Variants in ZNF704 observed in about 807,000 individuals in gnomAD.
ZNF704 encodes zinc finger protein 704.
In ZNF704, 10 loss-of-function variants were observed where a neutral mutation model predicts 44.7. The ratio of observed to expected loss-of-function variants is 0.22; its 90% CI spans 0.14 to 0.38. The LOEUF (loss-of-function observed/expected upper bound fraction) is 0.38, where lower values mean the gene tolerates loss of function less well. Ranked by LOEUF, ZNF704 falls within the 10% of genes least tolerant of loss-of-function variation. ZNF704 has a pLI of 1.00. For synonymous variants in ZNF704, 211 were observed against 207.6 expected (o/e 1.02, Z -0.14); for missense variants, 390 against 545.5 (o/e 0.71, Z 2.84).
chr8:80,793,709 A>G (rs1239689242), intron 2 of ZNF704, among the ~76,000 whole-genome samples: 1 of 152,114 alleles, frequency 6.6e-6, no homozygotes, highest in African/African-American at 2.4e-5. Context: ...TCATTATAAT[A>G]AAAACAATTA....
chr8:80,700,918 C>T (rs1818799962), intron 2 of ZNF704, among the ~76,000 whole-genome samples: 1 of 152,158 alleles, frequency 6.6e-6, no homozygotes, highest in African/African-American at 2.4e-5. Flanking sequence ...GTCACTGCAT[C>T]TGCTCCTCCA....
At chr8:80,835,704 T>G (rs1306204887) in intron 1 of ZNF704, among the ~76,000 whole-genome samples, 1 of 152,210 alleles carries the variant, frequency 6.6e-6, no homozygotes, top group Admixed American at 6.5e-5. Flanking sequence ...ATTTTTTCCG[T>G]TTGGCATAGT....
chr8:80,652,357 C>CA (rs1186772060), intron 7 of ZNF704, among the ~76,000 whole-genome samples: 8 of 151,854 alleles, frequency 5.3e-5, no homozygotes, highest in East Asian at 1.9e-4. Context: ...AAAAACCCTT[C>CA]AAAAAATCAA....
intron 2 of ZNF704, among the ~76,000 whole-genome samples, chr8:80,753,522 T>C (rs1211632891): frequency 6.6e-6 from 1 of 151,750 alleles, no homozygotes; most frequent in Admixed American, 6.6e-5. Context: ...AAAAGTTAAA[T>C]GTGGCCTTCC....
chr8:80,788,391 C>G (rs1021609365), intron 2 of ZNF704, among the ~76,000 whole-genome samples: 12 of 152,166 alleles, frequency 7.9e-5, no homozygotes, highest in African/African-American at 1.2e-4. Context: ...GTCTCCCTTT[C>G]TTTCTAACAG....
intron 1 of ZNF704, among the ~76,000 whole-genome samples, chr8:80,836,025 C>T (rs2129944976): frequency 6.6e-6 from 1 of 152,274 alleles, no homozygotes; most frequent in Non-Finnish European, 1.5e-5. Context: ...TCCACTCCTG[C>T]ACCGCCTCCC....
chr8:80,783,636 A>G (rs1040400909), intron 2 of ZNF704, among the ~76,000 whole-genome samples: 3 of 152,144 alleles, frequency 2.0e-5, no homozygotes, highest in Non-Finnish European at 2.9e-5. Flanking sequence ...AATTGAGAGG[A>G]AAGTACAGAA....
At chr8:80,842,949 C>A (rs1438774856) in intron 1 of ZNF704, among the ~76,000 whole-genome samples, 2 of 152,226 alleles carry the variant, frequency 1.3e-5, no homozygotes, top group Non-Finnish European at 2.9e-5. Flanking sequence ...GACAAGCCTG[C>A]AAGCCAGATA....
chr8:80,878,249 AAAGAAAGGAAGGAAGG>A (rs1242979080), upstream of ZNF704, among the ~76,000 whole-genome samples: 26 of 137,198 alleles, frequency 1.9e-4, no homozygotes, highest in East Asian at 1.9e-3. Context: ...AAAGAAAGAG[AAAGAAAGGAAGGAAGG>A]AAGGAAGGAA....
At chr8:80,842,835 T>C (rs920284224) in intron 1 of ZNF704, among the ~76,000 whole-genome samples, 10 of 152,202 alleles carry the variant, frequency 6.6e-5, no homozygotes, top group African/African-American at 2.2e-4. Flanking sequence ...TGTTCAGCAA[T>C]GGCACACCAT....
chr8:80,866,533 G>C (rs1045650167), intron 1 of ZNF704, among the ~76,000 whole-genome samples: 1 of 152,168 alleles, frequency 6.6e-6, no homozygotes, highest in African/African-American at 2.4e-5. Context: ...AAGTCTAAGG[G>C]AAATCATGTA....
chr8:80,657,691 A>C (rs1487224742), intron 7 of ZNF704, among the ~76,000 whole-genome samples: 3 of 141,762 alleles, frequency 2.1e-5, no homozygotes, highest in Non-Finnish European at 4.5e-5. Context: ...ACCCTGTTTC[A>C]AGAAAAAAAA....
At chr8:80,783,788 G>A (rs964438427) in intron 2 of ZNF704, among the ~76,000 whole-genome samples, 1 of 152,072 alleles carries the variant, frequency 6.6e-6, no homozygotes, top group Non-Finnish European at 1.5e-5. Flanking sequence ...TCTTGGTATT[G>A]TGCCTTCTAA....
chr8:80,681,016 T>C (rs1563516770), intron 4 of ZNF704, among the ~76,000 whole-genome samples: 2 of 152,234 alleles, frequency 1.3e-5, no homozygotes, highest in Non-Finnish European at 2.9e-5. Context: ...ATAATGTTTT[T>C]TTTGATTCAC....
chr8:80,821,458 T>G lies in ZNF704; in HGVS notation c.137A>C (p.His46Pro). The change falls in exon 2 of 9, where the codon CAT (histidine) becomes CCT (proline). Residue 46 changes from histidine (H) to proline (P), a missense_variant. By Grantham distance (77) the His-to-Pro change is moderately conservative. Around this residue, in one of 3 missense-constraint regions of ZNF704, gnomAD observed 80 missense variants for 83.7 expected, o/e 0.96. Transcript: ENST00000327835. Reference sequence around the variant, plus strand: ...GATGGAGCGAGTGTTTTCTTTTTCATGGTCAAGGATCCGGCTGGCTTTTTT... The same window carrying G: ...GATGGAGCGAGTGTTTTCTTTTTCAGGGTCAAGGATCCGGCTGGCTTTTTT... The part of the protein sequence containing the change: ...DTKKASRILD[H>P]EKENTRSICL... 1 of 1,614,166 alleles carries G rather than the reference T, an allele frequency of 6.2e-7. No homozygotes were observed. The highest frequency in any genetic ancestry group is 8.5e-7 in the Non-Finnish European group (1 of 1,180,004).
intron 2 of ZNF704, among the ~76,000 whole-genome samples, chr8:80,757,169 T>C (rs1807050054): frequency 6.6e-6 from 1 of 152,190 alleles, no homozygotes. Flanking sequence ...AAGAAGGCAT[T>C]GTTATCATAG....
chr8:80,792,259 G>C (rs1203512001), intron 2 of ZNF704, among the ~76,000 whole-genome samples: 1 of 152,118 alleles, frequency 6.6e-6, no homozygotes, highest in Non-Finnish European at 1.5e-5. Context: ...TGTAACTGCT[G>C]TTAGAAATGC....
chr8:80,871,138 C>A (rs778621542), intron 1 of ZNF704, among the ~76,000 whole-genome samples: 2 of 152,206 alleles, frequency 1.3e-5, no homozygotes, highest in African/African-American at 4.8e-5. Flanking sequence ...TGTGTAGTGA[C>A]AGCCACCCAA....
intron 7 of ZNF704, among the ~76,000 whole-genome samples, chr8:80,649,203 T>C (rs575144635): frequency 6.6e-6 from 1 of 152,238 alleles, no homozygotes; most frequent in South Asian, 2.1e-4. Context: ...GATGGCCAAA[T>C]AGGAACAGCT....
Sources: allele counts gnomAD v4.1 joint callset (sites outside exome capture counted in the v4.1 genomes callset), GRCh38; gene constraint gnomAD v4.1.1; regional missense constraint gnomAD v4.1.1; transcripts MANE v1.5; gene names NCBI Gene and HGNC (gene_info 2026-07-23, HGNC 2026-07-21).